PFKM: variants seen among roughly 807,000 people sequenced by gnomAD.
PFKM encodes the protein ATP-dependent 6-phosphofructokinase, muscle type.
PFKM carries 58 observed loss-of-function variants against 95.5 expected under a neutral mutation model. The observed-to-expected ratio is 0.61, with a 90% confidence interval of 0.49 to 0.76. The LOEUF (loss-of-function observed/expected upper bound fraction) is 0.76, where lower values mean the gene tolerates loss of function less well. Ranked by LOEUF, PFKM falls within the 30% of genes least tolerant of loss-of-function variation. The pLI is 0.00. For synonymous variants in PFKM, 336 were observed against 357.2 expected, an observed-to-expected ratio of 0.94 and a Z score of 0.67; for missense variants, 678 against 1,005.4, an observed-to-expected ratio of 0.67 and a Z score of 4.40.
intron 15 of PFKM, 159 bp from the exon 16 acceptor site, chr12:48,141,581 T>C (rs775443827): frequency 1.3e-6 from 1 of 772,402 alleles, no homozygotes; most frequent in Non-Finnish European, 2.3e-6. Flanking sequence ...CCAGTATGTA[T>C]CCTTGGATAG....
Position 48,143,818 on chromosome 12 carries a change from C to T in PFKM, c.1880+4C>T. On this transcript the variant is annotated splice_donor_region_variant and intron_variant, in intron 19 of 22. Transcript: ENST00000359794. ...TGAAAAGGGGCTTGGTGTTAAGGTACCTCATCCATGGTTTGTTCCTAAATG... is the reference window on the plus strand; with the variant it reads ...TGAAAAGGGGCTTGGTGTTAAGGTATCTCATCCATGGTTTGTTCCTAAATG... 6.2e-7 allele frequency: 1 copy of T among 1,605,784 alleles called. No individual in the cohort carries two copies. Among genetic ancestry groups the T allele is most frequent in the Non-Finnish European group, 8.5e-7 (1 of 1,172,320 alleles).
chr12:48,118,372 T>C (rs1947859433), upstream of PFKM: 3 of 646,514 alleles, frequency 4.6e-6, no homozygotes, highest in Non-Finnish European at 8.3e-6. Flanking sequence ...ATTCTGTGGG[T>C]TGTCTTTCCA....
chr12:48,122,452 T>G, intron 1 of PFKM: 1 of 536,386 alleles, frequency 1.9e-6, no homozygotes, highest in Non-Finnish European at 2.7e-6. Flanking sequence ...CCCTTTCTCA[T>G]TTCTATTCAG....
chr12:48,117,048 G>A (rs549583650), upstream of PFKM, among the ~76,000 whole-genome samples: 12 of 152,238 alleles, frequency 7.9e-5, no homozygotes, highest in African/African-American at 2.9e-4. Flanking sequence ...CCAAGCCCCA[G>A]TAACAACTGA....
intron 1 of PFKM, among the ~76,000 whole-genome samples, chr12:48,121,742 A>G (rs1948300376): frequency 6.6e-6 from 1 of 152,208 alleles, no homozygotes; most frequent in Non-Finnish European, 1.5e-5. Flanking sequence ...TGTAGTAAGC[A>G]GTTCAGGTGG....
At chr12:48,141,576 A>G (rs1950576941) in intron 15 of PFKM, 164 bp from the exon 16 acceptor site, 5 of 697,690 alleles carry the variant, frequency 7.2e-6, no homozygotes, top group Non-Finnish European at 1.3e-5. Flanking sequence ...GAGCTCCAGT[A>G]TGTATCCTTG....
At chr12:48,109,693 G>A (rs976156318) in intron 3 of PFKM, among the ~76,000 whole-genome samples, 1 of 152,090 alleles carries the variant, frequency 6.6e-6, no homozygotes, top group African/African-American at 2.4e-5. Context: ...AAATCCTGGG[G>A]TCTGTGTGGC....
intron 3 of PFKM, among the ~76,000 whole-genome samples, chr12:48,109,135 G>A (rs1946965074): frequency 6.6e-6 from 1 of 152,184 alleles, no homozygotes; most frequent in Non-Finnish European, 1.5e-5. Flanking sequence ...AGATAATATG[G>A]AACAATGTGT....
chr12:48,131,590 TGGA>T (rs1949494298), intron 4 of PFKM, 197 bp downstream of exon 4: 4 of 636,654 alleles, frequency 6.3e-6, no homozygotes, highest in Admixed American at 2.3e-5. Flanking sequence ...AGGGAGAGGG[TGGA>T]GGAGTGATCA....
At chr12:48,113,106 C>A (rs1201521972) in intron 3 of PFKM, among the ~76,000 whole-genome samples, 1 of 152,092 alleles carries the variant, frequency 6.6e-6, no homozygotes, top group African/African-American at 2.4e-5. Context: ...ATGCCTTGAC[C>A]TAACAAGGGA....
intron 11 of PFKM, among the ~76,000 whole-genome samples, chr12:48,138,834 C>T (rs1315905656): frequency 1.3e-5 from 2 of 152,114 alleles, no homozygotes; most frequent in African/African-American, 2.4e-5. Flanking sequence ...GCAGGCAGAT[C>T]ACAAGGTCAG....
upstream of PFKM, among the ~76,000 whole-genome samples, chr12:48,117,890 G>A (rs868106682): frequency 3.3e-4 from 51 of 152,244 alleles, no homozygotes; most frequent in African/African-American, 1.1e-3. Context: ...CCAGAAAGGC[G>A]GGATAACTGG....
chr12:48,126,256 A>G lies in PFKM; in HGVS notation c.85+3397A>G, dbSNP rs146861296. On this transcript the variant is annotated intron_variant, in intron 2 of 22. Coordinates refer to ENST00000359794, the MANE Select transcript of PFKM (RefSeq NM_000289.6). ...GACTGGCTTGGGGCCAGACTAAGCTAGTCAGGTTGGCTAGGAGAGCTCAAA... is the reference window on the plus strand; with the variant it reads ...GACTGGCTTGGGGCCAGACTAAGCTGGTCAGGTTGGCTAGGAGAGCTCAAA... Among the ~76,000 whole-genome samples, 21 of 152,344 alleles carry G rather than the reference A, an allele frequency of 1.4e-4. No individual in the cohort carries two copies. In the East Asian group the frequency reaches 3.9e-3, roughly 28 times the overall value.
chr12:48,141,614 G>A (rs903405581), intron 15 of PFKM, 126 bp from the exon 16 acceptor site: 3 of 840,786 alleles, frequency 3.6e-6, no homozygotes, highest in Non-Finnish European at 6.2e-6. Flanking sequence ...GGGCTAGGGA[G>A]GGCGGCACAG....
chr12:48,105,773 G>C (rs1592537934), upstream of PFKM: 4 of 566,140 alleles, frequency 7.1e-6, no homozygotes, highest in East Asian at 1.2e-4. Context: ...CGGTCTCTCC[G>C]CGGCCCAGGA....
chr12:48,111,854 T>C (rs1179949267), intron 3 of PFKM, among the ~76,000 whole-genome samples: 1 of 152,038 alleles, frequency 6.6e-6, no homozygotes, highest in Admixed American at 6.6e-5. Context: ...AAAGAGTGAG[T>C]ATAGCTGAAG....
At chr12:48,110,211 G>T (rs1390899593) in intron 3 of PFKM, among the ~76,000 whole-genome samples, 1 of 152,186 alleles carries the variant, frequency 6.6e-6, no homozygotes, top group Non-Finnish European at 1.5e-5. Flanking sequence ...GGGACAATAG[G>T]CTGTGAAACG....
upstream of PFKM, chr12:48,105,638 T>G (rs1281657209): frequency 2.3e-6 from 1 of 431,160 alleles, no homozygotes; most frequent in Non-Finnish European, 4.5e-6. Flanking sequence ...AAAGCCGAGC[T>G]TCCCGGTGAA....
At chr12:48,140,266 G>A (rs1411785961) in intron 13 of PFKM, among the ~76,000 whole-genome samples, 2 of 152,162 alleles carry the variant, frequency 1.3e-5, no homozygotes, top group Non-Finnish European at 2.9e-5. Context: ...CTGGAGTAGT[G>A]GTTCTCAATA....
Sources: allele counts gnomAD v4.1 joint callset (sites outside exome capture counted in the v4.1 genomes callset), GRCh38; gene constraint gnomAD v4.1.1; transcripts MANE v1.5; gene names NCBI Gene and HGNC (gene_info 2026-07-23, HGNC 2026-07-21).